Variants in ZNF487 observed in about 807,000 individuals in gnomAD.
ZNF487 encodes KRAB domain only 1.
ZNF487 carries 4 observed loss-of-function variants against 3.0 expected under a neutral mutation model. The observed-to-expected ratio is 1.35, with a 90% CI of 0.66 to 3.08. The LOEUF (loss-of-function observed/expected upper bound fraction) is 3.08, where lower values mean the gene tolerates loss of function less well. Among genes scored for constraint, ZNF487 ranks in the 30% most tolerant of loss-of-function variants. The probability of loss-of-function intolerance (pLI) is 0.01; values close to 1 mark genes in which losing one functional copy is unlikely to be tolerated. For missense variants in ZNF487, 146 were observed against 98.7 expected (o/e 1.48, Z -2.03); for synonymous variants, 55 against 34.6 (o/e 1.59, Z -2.06).
the ZNF487 span, among the ~76,000 whole-genome samples, chr10:43,495,538 C>T: frequency 6.6e-6 from 1 of 152,092 alleles, no homozygotes; most frequent in African/African-American, 2.4e-5. Flanking sequence ...GCCACCGCAC[C>T]CAGCCCCATG....
intron 1 of ZNF487, among the ~76,000 whole-genome samples, chr10:43,446,656 CCT>C (rs1839818289): frequency 6.6e-6 from 1 of 151,702 alleles, no homozygotes. Context: ...CAGAGACGCT[CCT>C]CTCTTCCTAG....
rs142486440 is a variant in ZNF487 at position 43,478,334 on chromosome 10, C to T, written c.130+2132C>T. ...CTTTGGAAGGCCAAGGCGTGTGGAT[C>T]ACCTGAGGTTGAGAGTTCGAGACCA... On this transcript the variant is annotated intron_variant, in intron 3 of 3. Coordinates refer to ENST00000437590, the MANE Select transcript of ZNF487 (RefSeq NM_001355444.3). 1.3e-4 allele frequency among the ~76,000 whole-genome samples: 20 copies of T among 152,280 alleles called. No individual in the cohort carries two copies. The East Asian group carries it at 3.7e-3, about 28-fold the overall frequency.
chr10:43,450,229 G>A (rs1218723497), intron 1 of ZNF487, among the ~76,000 whole-genome samples: 1 of 152,006 alleles, frequency 6.6e-6, no homozygotes, highest in East Asian at 1.9e-4. Flanking sequence ...TGTATTTTTA[G>A]TAGATACAGG....
intron 1 of ZNF487, among the ~76,000 whole-genome samples, chr10:43,468,490 A>G (rs1840784563): frequency 6.7e-6 from 1 of 150,074 alleles, no homozygotes; most frequent in African/African-American, 2.5e-5. Context: ...GACCAGCCTG[A>G]CCAACATGGA....
At chr10:43,517,006 C>T in the ZNF487 span, among the ~76,000 whole-genome samples, 1 of 152,224 alleles carries the variant, frequency 6.6e-6, no homozygotes, top group Non-Finnish European at 1.5e-5. Flanking sequence ...CTTGTCATCA[C>T]ATAGTCTTTG....
At chr10:43,474,933 A>T (rs1311207874) in intron 1 of ZNF487, among the ~76,000 whole-genome samples, 1 of 151,872 alleles carries the variant, frequency 6.6e-6, no homozygotes, top group African/African-American at 2.4e-5. Context: ...CTACTAAAAG[A>T]CTGCCACCTC....
intron 1 of ZNF487, among the ~76,000 whole-genome samples, chr10:43,471,144 C>T (rs1350209181): frequency 6.6e-6 from 1 of 152,126 alleles, no homozygotes; most frequent in Non-Finnish European, 1.5e-5. Context: ...TTTTTCTTGG[C>T]CCCTTTGTTG....
intron 1 of ZNF487, among the ~76,000 whole-genome samples, chr10:43,444,424 A>ATGG (rs1839728809): frequency 6.6e-6 from 1 of 152,078 alleles, no homozygotes; most frequent in East Asian, 1.9e-4. Flanking sequence ...ATTGAGCTTT[A>ATGG]CTTAATGGGA....
At chr10:43,484,333 G>A (rs776542308), downstream of ZNF487, among the ~76,000 whole-genome samples, 16 of 151,954 alleles carry the variant, frequency 1.1e-4, no homozygotes, top group African/African-American at 3.9e-4. Flanking sequence ...TGGTCCAGGC[G>A]CGGTGGCTCA....
intron 1 of ZNF487, among the ~76,000 whole-genome samples, chr10:43,472,898 T>A (rs1840954027): frequency 6.6e-6 from 1 of 151,806 alleles, no homozygotes; most frequent in Non-Finnish European, 1.5e-5. Flanking sequence ...GATCATTGGC[T>A]GGGTGGGTGC....
intron 2 of ZNF487, 89 bp from the exon 3 acceptor site, chr10:43,476,018 A>G: frequency 1.5e-6 from 1 of 686,138 alleles, no homozygotes. Context: ...TTCTGTAATG[A>G]AATGCTCAAG....
chr10:43,478,997 T>A (rs1230306460), intron 3 of ZNF487, among the ~76,000 whole-genome samples: 2 of 149,482 alleles, frequency 1.3e-5, no homozygotes, highest in East Asian at 1.9e-4. Flanking sequence ...CTCAAAAAAA[T>A]TTTTTTTCTA....
chr10:43,509,555 AAGG>A, the ZNF487 span, among the ~76,000 whole-genome samples: 1 of 151,654 alleles, frequency 6.6e-6, no homozygotes, highest in African/African-American at 2.4e-5. Context: ...GCTGAGGAGC[AAGG>A]AGAACCAGTC....
At chr10:43,471,613 G>A (rs1160496195) in intron 1 of ZNF487, among the ~76,000 whole-genome samples, 1 of 152,150 alleles carries the variant, frequency 6.6e-6, no homozygotes, top group African/African-American at 2.4e-5. Context: ...CAATGAAAAT[G>A]GCTCTCAGCA....
the ZNF487 span, among the ~76,000 whole-genome samples, chr10:43,511,648 G>A: frequency 2.6e-5 from 4 of 152,128 alleles, no homozygotes; most frequent in South Asian, 4.1e-4. Flanking sequence ...GGTCAGCCTC[G>A]GTGAGTGGAA....
intron 3 of ZNF487, among the ~76,000 whole-genome samples, chr10:43,477,968 AT>A (rs1321534523): frequency 6.6e-6 from 1 of 151,960 alleles, no homozygotes; most frequent in East Asian, 1.9e-4. Flanking sequence ...AAAAAAAAAA[AT>A]GAAAAAGTGG....
chr10:43,449,828 C>T (rs1839944328), intron 1 of ZNF487, among the ~76,000 whole-genome samples: 1 of 151,174 alleles, frequency 6.6e-6, no homozygotes, highest in South Asian at 2.1e-4. Context: ...TACAGGCACC[C>T]ACCACCACTC....
the ZNF487 span, among the ~76,000 whole-genome samples, chr10:43,504,847 C>T: frequency 1.3e-5 from 2 of 151,758 alleles, no homozygotes; most frequent in African/African-American, 4.8e-5. Flanking sequence ...GCTGGGACTA[C>T]AGGCACCTGC....
At chr10:43,444,088 C>T (rs1291233180) in intron 1 of ZNF487, among the ~76,000 whole-genome samples, 7 of 150,734 alleles carry the variant, frequency 4.6e-5, no homozygotes, top group Non-Finnish European at 7.4e-5. Flanking sequence ...CTCCTGACCT[C>T]GTGATCCGCC....
Sources: gnomAD v4.1 joint callset for allele counts (sites outside exome capture counted in the v4.1 genomes callset) on GRCh38, gnomAD v4.1.1 for gene constraint, MANE v1.5 for transcripts, NCBI Gene and HGNC (gene_info 2026-07-23, HGNC 2026-07-21) for gene names.